AFF1: variants seen among roughly 807,000 people sequenced by gnomAD.
AFF1 encodes AF4/FMR2 family member 1.
AFF1 carries 48 observed loss-of-function variants against 121.7 expected under a neutral mutation model. The observed-to-expected ratio is 0.39, with a 90% confidence interval of 0.31 to 0.50. The LOEUF is 0.50. Ranked by LOEUF, AFF1 falls within the 20% of genes least tolerant of loss-of-function variation. The pLI is 0.76. For missense variants in AFF1, 1,523 were observed against 1,511.7 expected (o/e 1.01, Z -0.12); for synonymous variants, 613 against 563.0 (o/e 1.09, Z -1.26).
chr4:87,023,516 T>C (rs1728237497), intron 2 of AFF1, among the ~76,000 whole-genome samples: 1 of 152,232 alleles, frequency 6.6e-6, no homozygotes, highest in Admixed American at 6.5e-5. Context: ...AATGACTTTT[T>C]TCACTATATT....
At chr4:87,039,673 A>G (rs1201577439) in intron 2 of AFF1, among the ~76,000 whole-genome samples, 1 of 152,212 alleles carries the variant, frequency 6.6e-6, no homozygotes, top group Non-Finnish European at 1.5e-5. Flanking sequence ...TGAATTCTGT[A>G]GAGATCTTTT....
At chr4:87,104,257 T>G (rs1560628073) in intron 8 of AFF1, among the ~76,000 whole-genome samples, 4 of 152,082 alleles carry the variant, frequency 2.6e-5, no homozygotes, top group Admixed American at 2.6e-4. Context: ...ACACAAAAAT[T>G]AGCCGGGCAT....
intron 2 of AFF1, among the ~76,000 whole-genome samples, chr4:86,978,107 A>G (rs1723439233): frequency 6.7e-6 from 1 of 148,898 alleles, no homozygotes; most frequent in Admixed American, 6.8e-5. Flanking sequence ...TCAATCAAAG[A>G]ATGTTAGAAT....
Position 86,967,675 on chromosome 4 carries a change from G to A in AFF1, c.38+19104G>A, listed in dbSNP as rs17012211. 8.6e-3 allele frequency among the ~76,000 whole-genome samples: 1,300 copies of A among 151,872 alleles called. 22 individuals are homozygous for A. Among genetic ancestry groups the A allele is most frequent in the African/African-American group, 0.03 (1,250 of 41,384 alleles). ...TTTTTGTAAACAATGAGAAAAGATA[G>A]GTAGGTTGGATGCATGAAACAGAAG... is the stretch of plus-strand genomic sequence containing the variant. On this transcript the variant is annotated intron_variant, in intron 2 of 20. Transcript: ENST00000395146.
intron 2 of AFF1, among the ~76,000 whole-genome samples, chr4:86,978,222 C>T (rs1470202344): frequency 1.2e-5 from 1 of 81,742 alleles, no homozygotes; most frequent in African/African-American, 4.3e-5. Flanking sequence ...CTCGCTCTGT[C>T]AGCTAGGCTG....
chr4:86,939,237 C>T lies in AFF1; in HGVS notation c.-37+3997C>T, dbSNP rs529191584. ...TAATTGTGACTCTGAAATTGGAATTCATTTTCCATTTTAAAATCAGGAAAT... is the reference window on the plus strand; with the variant it reads ...TAATTGTGACTCTGAAATTGGAATTTATTTTCCATTTTAAAATCAGGAAAT... On this transcript the variant is annotated intron_variant, in intron 1 of 20. Coordinates refer to ENST00000395146, the MANE Select transcript of AFF1 (RefSeq NM_001166693.3). 2.0e-5 allele frequency among the ~76,000 whole-genome samples: 3 copies of T among 152,190 alleles called. No homozygotes were observed. The South Asian group carries it at 6.2e-4, about 32-fold the overall frequency.
intron 2 of AFF1, among the ~76,000 whole-genome samples, chr4:87,005,410 G>A (rs1264223836): frequency 6.6e-6 from 1 of 152,242 alleles, no homozygotes; most frequent in East Asian, 1.9e-4. Context: ...GCAAGATTAT[G>A]TGGCAGATGC....
chr4:87,044,429 A>T (rs1298212703), intron 2 of AFF1, among the ~76,000 whole-genome samples: 2 of 152,192 alleles, frequency 1.3e-5, no homozygotes, highest in Non-Finnish European at 2.9e-5. Flanking sequence ...TGGAGTTCAC[A>T]TGCTAGGGGA....
intron 4 of AFF1, among the ~76,000 whole-genome samples, chr4:87,080,143 G>A (rs1723028154): frequency 6.6e-6 from 1 of 152,182 alleles, no homozygotes; most frequent in Non-Finnish European, 1.5e-5. Context: ...AGCCAGATGT[G>A]TGAGATGGCT....
In AFF1 at chr4:87,135,801, A is replaced by ATTT; in HGVS notation, c.*100_*101insTTT. On this transcript the variant is annotated 3_prime_UTR_variant, in exon 21 of 21. Coordinates refer to ENST00000395146, the MANE Select transcript of AFF1 (RefSeq NM_001166693.3). Reference sequence around the variant, plus strand: ...TGTTTCATCAGGACACCAAACTCTAAAAAAGAAGCACCACGAGATGGCCAG... The same window carrying ATTT: ...TGTTTCATCAGGACACCAAACTCTAATTTAAAAGAAGCACCACGAGATGGCCAG... The ATTT allele has an allele frequency of 7.1e-7, 1 of 1,414,562 alleles. No individual in the cohort carries two copies. The highest frequency in any genetic ancestry group is 9.3e-7 in the Non-Finnish European group (1 of 1,072,880). 87.6% of individuals were successfully genotyped at this position (1,414,562 alleles called of 1,614,324 possible).
At chr4:86,944,481 C>A (rs1394146345) in intron 1 of AFF1, among the ~76,000 whole-genome samples, 2 of 151,854 alleles carry the variant, frequency 1.3e-5, no homozygotes, top group African/African-American at 4.8e-5. Context: ...ATTCTCCTGC[C>A]TCAGGCACGC....
At chr4:87,101,916 G>C (rs959770590) in intron 8 of AFF1, among the ~76,000 whole-genome samples, 11 of 152,190 alleles carry the variant, frequency 7.2e-5, no homozygotes, top group African/African-American at 2.7e-4. Context: ...CAAAATATTG[G>C]CAGTGAAAGC....
intron 2 of AFF1, among the ~76,000 whole-genome samples, chr4:87,007,665 AG>A (rs1726303664): frequency 6.6e-6 from 1 of 152,216 alleles, no homozygotes; most frequent in African/African-American, 2.4e-5. Flanking sequence ...AAAGTTAGAT[AG>A]CCCCCTTCTT....
chr4:87,095,650 T>TA (rs1344532788), intron 8 of AFF1, among the ~76,000 whole-genome samples: 1 of 152,106 alleles, frequency 6.6e-6, no homozygotes, highest in African/African-American at 2.4e-5. Flanking sequence ...CCTAATTTAC[T>TA]AATAAAGAGC....
intron 8 of AFF1, among the ~76,000 whole-genome samples, chr4:87,099,568 C>T (rs1448258985): frequency 6.6e-6 from 1 of 152,160 alleles, no homozygotes; most frequent in Non-Finnish European, 1.5e-5. Flanking sequence ...ACCACCATAC[C>T]TGGCTAATTT....
intron 4 of AFF1, among the ~76,000 whole-genome samples, chr4:87,051,896 T>C (rs386485): frequency 0.15 from 22,889 of 152,048 alleles, 2,137 homozygotes; most frequent in East Asian, 0.21. Flanking sequence ...GCATTGATAA[T>C]ATAGTTATAA....
intron 4 of AFF1, among the ~76,000 whole-genome samples, chr4:87,063,017 A>G (rs2149657646): frequency 6.6e-6 from 1 of 152,300 alleles, no homozygotes; most frequent in East Asian, 1.9e-4. Flanking sequence ...CAAGAAAACT[A>G]CTTAACCTGT....
chr4:86,969,099 GCTT>G (rs1722738896), intron 2 of AFF1, among the ~76,000 whole-genome samples: 1 of 152,208 alleles, frequency 6.6e-6, no homozygotes, highest in South Asian at 2.1e-4. Flanking sequence ...ATCTGCATCA[GCTT>G]CTGCTCAGTT....
Position 87,131,146 on chromosome 4 carries a change from A to C in AFF1, c.3028A>C (p.Ile1010Leu). Reference protein sequence around the residue: ...EAVLSFIECGIATESESQSSK... With the variant: ...EAVLSFIECGLATESESQSSK... Reference sequence around the variant, plus strand: ...CGTCTTGTCCTTCATTGAGTGCGGAATTGCCACAGAGTCTGAAAGCCAGTC... The same window carrying C: ...CGTCTTGTCCTTCATTGAGTGCGGACTTGCCACAGAGTCTGAAAGCCAGTC... Residue 1010 changes from isoleucine (I) to leucine (L), a missense_variant, in exon 17 of 21, where the codon ATT becomes CTT. This residue lies in a region of AFF1 where 241 missense variants were observed against 265.2 expected (regional missense o/e 0.91). Transcript: ENST00000395146. The C allele has an allele frequency of 6.2e-7, 1 of 1,614,214 alleles. No individual in the cohort carries two copies. Among genetic ancestry groups the C allele is most frequent in the East Asian group, 2.2e-5 (1 of 44,880 alleles).
Sources: allele counts gnomAD v4.1 joint callset (sites outside exome capture counted in the v4.1 genomes callset), GRCh38; gene constraint gnomAD v4.1.1; regional missense constraint gnomAD v4.1.1; transcripts MANE v1.5; gene names NCBI Gene and HGNC (gene_info 2026-07-23, HGNC 2026-07-21).